The following SPATA33 variants were observed in gnomAD, a reference collection of about 807,000 sequenced individuals.
The protein encoded by SPATA33 is spermatogenesis-associated protein 33.
A neutral mutation model predicts 8.9 loss-of-function variants in SPATA33; 10 were observed. The observed-to-expected ratio is 1.12, with a 90% CI of 0.69 to 1.90. SPATA33 has a LOEUF of 1.90. SPATA33 is among the 40% of genes most tolerant of loss of function. The probability of loss-of-function intolerance (pLI) is 0.00; values close to 1 mark genes in which losing one functional copy is unlikely to be tolerated. For synonymous variants in SPATA33, 96 were observed against 72.8 expected (o/e 1.32, Z -1.63); for missense variants, 241 against 178.3 (o/e 1.35, Z -2.00).
chr16:89,667,759 A>G (rs555889336), intron 2 of SPATA33, among the ~76,000 whole-genome samples: 1 of 152,396 alleles, frequency 6.6e-6, no homozygotes, highest in East Asian at 1.9e-4. Flanking sequence ...CACTGCAGGC[A>G]GAGGGGGAGG....
chr16:89,658,153 C>G, intron 1 of SPATA33, 95 bp from the exon 2 acceptor site: 1 of 1,568,702 alleles, frequency 6.4e-7, no homozygotes, highest in Non-Finnish European at 8.6e-7. Context: ...TTGAAGCCAG[C>G]TTATTCTGGA....
chr16:89,669,188 A>C, intron 2 of SPATA33, 98 bp from the exon 3 acceptor site: 2 of 1,144,842 alleles, frequency 1.7e-6, no homozygotes, highest in South Asian at 2.6e-5. Context: ...CTAACCATAC[A>C]TCTTAATTCC....
chr16:89,661,155 G>C, intron 2 of SPATA33: 5 of 985,472 alleles, frequency 5.1e-6, no homozygotes, highest in Non-Finnish European at 4.8e-6. Context: ...GAAGGGCCAT[G>C]ATGGGGAGAA....
chr16:89,663,167 A>G (rs529683887), intron 2 of SPATA33, among the ~76,000 whole-genome samples: 40 of 151,970 alleles, frequency 2.6e-4, no homozygotes, highest in Non-Finnish European at 5.9e-5. Context: ...GAACACTTCT[A>G]TTGGCTATTA....
chr16:89,659,929 C>A (rs574959577), intron 2 of SPATA33: 1 of 152,224 alleles, frequency 6.6e-6, no homozygotes, highest in African/African-American at 2.4e-5. Flanking sequence ...GGGCGCAACC[C>A]CCCACCGGAG....
At chr16:89,664,369 A>G (rs1165170150) in intron 2 of SPATA33, among the ~76,000 whole-genome samples, 1 of 152,078 alleles carries the variant, frequency 6.6e-6, no homozygotes, top group Non-Finnish European at 1.5e-5. Flanking sequence ...AGCCCACACG[A>G]TCCCTGCCCC....
At chr16:89,663,496 C>T (rs541431175) in intron 2 of SPATA33, among the ~76,000 whole-genome samples, 14 of 152,276 alleles carry the variant, frequency 9.2e-5, no homozygotes, top group East Asian at 7.7e-4. Context: ...CCGCTTGCCT[C>T]GGCCTCCTGA....
chr16:89,669,351 C>A lies in SPATA33; in HGVS notation c.277C>A (p.Arg93=), dbSNP rs776630264. ...GGTCGTTCCACAGATCATCATCACG[C>A]GAGCGTCGAATGAGACGCTAGTCAG... ...KVVVPQIIIT[R]ASNETLVSCS... The change falls in exon 3 of 3, where the codon CGA becomes AGA. Residue 93 remains arginine, a synonymous_variant. Coordinates refer to ENST00000579310, the MANE Select transcript of SPATA33 (RefSeq NM_001271907.2). 5 of 1,614,044 alleles carry A rather than the reference C, an allele frequency of 3.1e-6. No homozygotes were observed. In the Admixed American group the frequency reaches 5.0e-5, roughly 16 times the overall value.
rs1597809676 is a variant in SPATA33 at position 89,669,431 on chromosome 16, G to C, written c.357G>C (p.Trp119Cys). 1 of 1,614,012 alleles carries C rather than the reference G, an allele frequency of 6.2e-7. No individual in the cohort carries two copies. The highest frequency in any genetic ancestry group is 8.5e-7 in the Non-Finnish European group (1 of 1,180,020). Residue 119 changes from tryptophan to cysteine, a missense_variant, in exon 3 of 3, where the codon TGG becomes TGC. Physicochemically the swap from Trp to Cys is radical, Grantham distance 215. Transcript: ENST00000579310. ...QQRTIREPEDWGPYRRHRNPS... is the reference protein window; with the variant it reads ...QQRTIREPEDCGPYRRHRNPS... The stretch of plus-strand genomic sequence containing the variant: ...GAACCATTCGGGAGCCGGAGGACTG[G>C]GGCCCCTACCGGCGGCACAGGAACC...
intron 2 of SPATA33, among the ~76,000 whole-genome samples, chr16:89,664,147 A>G (rs1432598729): frequency 6.6e-6 from 1 of 152,252 alleles, no homozygotes; most frequent in Non-Finnish European, 1.5e-5. Context: ...GACAGTACAC[A>G]TATTGAAGAA....
chr16:89,658,032 G>T (rs1031769674), intron 1 of SPATA33, 84 bp downstream of exon 1: 3 of 1,463,820 alleles, frequency 2.0e-6, no homozygotes, highest in Non-Finnish European at 2.7e-6. Context: ...GCGGGGCGGT[G>T]TGAGCGCAGG....
Position 89,670,152 on chromosome 16 carries a change from GCT to G in SPATA33, c.*659_*660del, listed in dbSNP as rs1352888567. On this transcript the variant is annotated 3_prime_UTR_variant, in exon 3 of 3. Coordinates refer to ENST00000579310, the MANE Select transcript of SPATA33 (RefSeq NM_001271907.2). The stretch of plus-strand genomic sequence containing the variant: ...AGAAGCCGTGGCCCCCTTCTCCCGT[GCT>G]CTCAGGGAGGGTGCACCAGGCCTGC... 3 of 136,422 alleles carry G rather than the reference GCT, an allele frequency of 2.2e-5. No homozygotes were observed. The highest frequency in any genetic ancestry group is 7.6e-5 in the Admixed American group (1 of 13,164). 8.5% of individuals were successfully genotyped at this position (136,422 alleles called of 1,614,324 possible). A position where few individuals can be genotyped will look rare whatever the true frequency, so the allele number is the denominator to read the frequency against.
At chr16:89,662,063 G>A (rs1016815910) in intron 2 of SPATA33, among the ~76,000 whole-genome samples, 3 of 152,078 alleles carry the variant, frequency 2.0e-5, no homozygotes, top group South Asian at 2.1e-4. Flanking sequence ...AGGCCGAGAC[G>A]GGTGGATCAC....
intron 2 of SPATA33, among the ~76,000 whole-genome samples, chr16:89,667,611 C>T (rs1330433640): frequency 6.6e-6 from 1 of 152,098 alleles, no homozygotes; most frequent in Non-Finnish European, 1.5e-5. Context: ...TTCAGTGAGC[C>T]ATGATCATGC....
Position 89,661,198 on chromosome 16 carries a change from G to A in SPATA33, c.211+2777G>A, listed in dbSNP as rs188486606. ...CCATAAGTTAATCACTGTGGCAGCT[G>A]TTAGGATATTGATGTGGCTTGGCTG... On this transcript the variant is annotated intron_variant, in intron 2 of 2. Coordinates refer to ENST00000579310, the MANE Select transcript of SPATA33 (RefSeq NM_001271907.2). The A allele has an allele frequency of 4.0e-4, 394 of 985,440 alleles. 2 individuals are homozygous for A. The African/African-American group carries it at 6.4e-3, about 16-fold the overall frequency. 61.0% of individuals were successfully genotyped at this position (985,440 alleles called of 1,614,324 possible). A position where few individuals can be genotyped will look rare whatever the true frequency, so the allele number is the denominator to read the frequency against.
chr16:89,666,011 G>A (rs1480183583), intron 2 of SPATA33, among the ~76,000 whole-genome samples: 1 of 152,136 alleles, frequency 6.6e-6, no homozygotes, highest in Non-Finnish European at 1.5e-5. Flanking sequence ...AACCTGGGAG[G>A]TAGAGGTTGT....
intron 2 of SPATA33, among the ~76,000 whole-genome samples, chr16:89,669,016 C>T (rs559725162): frequency 3.7e-4 from 56 of 152,266 alleles, no homozygotes; most frequent in African/African-American, 1.3e-3. Flanking sequence ...GCTGGTCGCC[C>T]TGACACCATC....
At chr16:89,665,604 G>A (rs1285626138) in intron 2 of SPATA33, among the ~76,000 whole-genome samples, 2 of 152,084 alleles carry the variant, frequency 1.3e-5, no homozygotes, top group African/African-American at 4.8e-5. Flanking sequence ...GTGAGCCACT[G>A]CGTCTGGCCT....
At chr16:89,664,181 C>G (rs1281691292) in intron 2 of SPATA33, among the ~76,000 whole-genome samples, 1 of 152,190 alleles carries the variant, frequency 6.6e-6, no homozygotes, top group Non-Finnish European at 1.5e-5. Context: ...AAATGTTAAA[C>G]CTCTCCCCAA....
Sources: gnomAD v4.1 joint callset for allele counts (sites outside exome capture counted in the v4.1 genomes callset) on GRCh38, gnomAD v4.1.1 for gene constraint, MANE v1.5 for transcripts, NCBI Gene and HGNC (gene_info 2026-07-23, HGNC 2026-07-21) for gene names.